Variants in KMT2C observed in about 807,000 individuals in gnomAD.
The protein encoded by KMT2C is lysine methyltransferase 2C, also known as histone-lysine N-methyltransferase 2C.
In KMT2C, 88 loss-of-function variants were observed where a neutral mutation model predicts 507.9. The observed-to-expected ratio is 0.17, with a 90% CI of 0.15 to 0.21. The LOEUF (loss-of-function observed/expected upper bound fraction) is 0.21. Ranked by LOEUF, KMT2C falls within the 10% of genes least tolerant of loss-of-function variation. The pLI is 1.00. For synonymous variants in KMT2C, 2,049 were observed against 2,080.8 expected, an observed-to-expected ratio of 0.98 and a Z score of 0.42; for missense variants, 4,954 against 5,957.8, an observed-to-expected ratio of 0.83 and a Z score of 5.55.
At chr7:152,269,695 T>C (rs2095924183) in intron 7 of KMT2C, among the ~76,000 whole-genome samples, 2 of 152,224 alleles carry the variant, frequency 1.3e-5, no homozygotes, top group African/African-American at 4.8e-5. Context: ...CAGCAAACTT[T>C]ACTACTGATC....
chr7:152,295,838 G>A (rs550952042), intron 6 of KMT2C, among the ~76,000 whole-genome samples: 10 of 152,078 alleles, frequency 6.6e-5, no homozygotes, highest in South Asian at 2.1e-4. Flanking sequence ...AGGCCGAGGC[G>A]GGCAGATCAC....
intron 27 of KMT2C, 50 bp downstream of exon 27, chr7:152,199,228 AG>A: frequency 7.2e-7 from 1 of 1,381,838 alleles, no homozygotes; most frequent in Non-Finnish European, 9.9e-7. Flanking sequence ...ACTGAAAGGA[AG>A]ATGTATGTTA....
chr7:152,234,071 G>C (rs985787365), intron 16 of KMT2C, among the ~76,000 whole-genome samples: 9 of 152,040 alleles, frequency 5.9e-5, no homozygotes, highest in Non-Finnish European at 1.2e-4. Context: ...GGAGGTGGAG[G>C]CTGTAGTGAG....
intron 23 of KMT2C, among the ~76,000 whole-genome samples, chr7:152,213,556 C>A (rs1169592950): frequency 2.6e-5 from 4 of 151,990 alleles, no homozygotes; most frequent in Non-Finnish European, 5.9e-5. Context: ...ACACATCATA[C>A]ATAAAAAGCA....
chr7:152,276,126 A>C (rs1202191806), intron 6 of KMT2C, among the ~76,000 whole-genome samples: 2 of 152,240 alleles, frequency 1.3e-5, no homozygotes, highest in Non-Finnish European at 2.9e-5. Context: ...AGTGAATAAA[A>C]GAAGGAAAAT....
intron 6 of KMT2C, among the ~76,000 whole-genome samples, chr7:152,286,120 A>G: frequency 6.6e-6 from 1 of 152,428 alleles, no homozygotes; most frequent in African/African-American, 2.4e-5. Flanking sequence ...TATTCTGAGG[A>G]ACTAAAAGTA....
intron 1 of KMT2C, among the ~76,000 whole-genome samples, chr7:152,393,392 G>A (rs2097515381): frequency 6.6e-6 from 1 of 152,082 alleles, no homozygotes; most frequent in African/African-American, 2.4e-5. Flanking sequence ...TTCTTAGCAT[G>A]CAAAAATTAT....
intron 9 of KMT2C, among the ~76,000 whole-genome samples, chr7:152,253,953 A>G (rs1303409349): frequency 1.4e-4 from 21 of 152,142 alleles, no homozygotes; most frequent in Admixed American, 1.3e-3. Context: ...TGGGGCTCTC[A>G]TTACCCACCC....
chr7:152,383,398 G>A (rs1415676104), intron 1 of KMT2C, among the ~76,000 whole-genome samples: 20 of 152,156 alleles, frequency 1.3e-4, no homozygotes, highest in Admixed American at 7.2e-4. Flanking sequence ...CTACATTCCT[G>A]TAATCAAACA....
chr7:152,213,627 G>A (rs971744057), intron 23 of KMT2C, among the ~76,000 whole-genome samples: 2 of 151,920 alleles, frequency 1.3e-5, no homozygotes, highest in African/African-American at 4.8e-5. Flanking sequence ...GGAAATATAG[G>A]AGAAAAACTC....
rs762896827 is a variant in KMT2C at position 152,144,865 on chromosome 7, T to C, written c.14191A>G (p.Ser4731Gly). Reference protein sequence around the residue: ...RFVLRPHTLNSTSTSKSFQST... With the variant: ...RFVLRPHTLNGTSTSKSFQST... ...TGAAATGACTTTGAGGTGCTGGTGC[T>C]GTTTAAGGTGTGAGGCCTGCAGACA... Residue 4731 changes from serine (S) to glycine (G), a missense_variant, in exon 55 of 59, where the codon AGC becomes GGC. Coordinates refer to ENST00000262189, the MANE Select transcript of KMT2C (RefSeq NM_170606.3). This position sits in a 1 kb window ranked among gnomAD's most constrained non-coding sequence, Gnocchi z 4.4. 6.2e-7 allele frequency: 1 copy of C among 1,613,186 alleles called. No homozygotes were observed. Among genetic ancestry groups the C allele is most frequent in the Non-Finnish European group, 8.5e-7 (1 of 1,179,330 alleles).
chr7:152,243,701 C>T (rs1393954567), intron 14 of KMT2C, among the ~76,000 whole-genome samples: 1 of 152,156 alleles, frequency 6.6e-6, no homozygotes, highest in Non-Finnish European at 1.5e-5. Context: ...AGGAGAACTG[C>T]TTGAGCCAGG....
chr7:152,428,200 C>T (rs576087326), intron 1 of KMT2C, among the ~76,000 whole-genome samples: 2 of 152,194 alleles, frequency 1.3e-5, no homozygotes, highest in South Asian at 4.1e-4. Flanking sequence ...GGGCATAAAG[C>T]AGAGATTGAG....
chr7:152,186,522 C>T (rs1353734532), intron 33 of KMT2C, among the ~76,000 whole-genome samples: 1 of 152,138 alleles, frequency 6.6e-6, no homozygotes, highest in East Asian at 1.9e-4. Context: ...TGAATAAAGT[C>T]CCATGAAGAC....
chr7:152,229,478 G>A (rs1309809899), intron 18 of KMT2C, among the ~76,000 whole-genome samples: 1 of 152,118 alleles, frequency 6.6e-6, no homozygotes, highest in African/African-American at 2.4e-5. Context: ...CATTAAATAT[G>A]ACACTTGTTT....
At chr7:152,152,660 G>T (rs1012638577) in intron 49 of KMT2C, 45 bp downstream of exon 49, 1 of 1,602,934 alleles carries the variant, frequency 6.2e-7, no homozygotes, top group South Asian at 1.1e-5. Context: ...CTTAACTTTT[G>T]AATCAGGAAT....
At chr7:152,297,059 G>GACAGACAGAAAGAAAGAAAGAAAGAA (rs1563767704) in intron 6 of KMT2C, among the ~76,000 whole-genome samples, 2 of 64,394 alleles carry the variant, frequency 3.1e-5, no homozygotes, top group African/African-American at 1.2e-4. Flanking sequence ...GAAAGACAGA[G>GACAGACAGAAAGAAAGAAAGAAAGAA]AGAGAGAGAG....
At chr7:152,310,663 G>GT (rs370060931) in intron 5 of KMT2C, among the ~76,000 whole-genome samples, 239 of 151,022 alleles carry the variant, frequency 1.6e-3, no homozygotes, top group Middle Eastern at 6.8e-3. Flanking sequence ...GTTTGGTTCT[G>GT]TTTTTTTTTG....
intron 6 of KMT2C, among the ~76,000 whole-genome samples, chr7:152,274,854 T>C (rs2096053230): frequency 6.6e-6 from 1 of 152,224 alleles, no homozygotes; most frequent in South Asian, 2.1e-4. Context: ...ATACTATCTT[T>C]GTATCCAAAG....
Sources: allele counts gnomAD v4.1 joint callset (sites outside exome capture counted in the v4.1 genomes callset), GRCh38; gene constraint gnomAD v4.1.1; non-coding constraint Gnocchi (gnomAD v3.1); transcripts MANE v1.5; gene names NCBI Gene and HGNC (gene_info 2026-07-23, HGNC 2026-07-21).